RPGRIP1: variants seen among roughly 807,000 people sequenced by gnomAD.
RPGRIP1 encodes RPGR interacting protein 1.
In RPGRIP1, 128 loss-of-function variants were observed where a neutral mutation model predicts 157.9. That is an observed-to-expected ratio of 0.81 (90% CI 0.70 to 0.94). RPGRIP1 has a LOEUF of 0.94. RPGRIP1 is among the 40% of genes least tolerant of loss of function. The probability of loss-of-function intolerance (pLI) is 0.00; values close to 1 mark genes in which losing one functional copy is unlikely to be tolerated. For synonymous variants in RPGRIP1, 554 were observed against 571.6 expected, an observed-to-expected ratio of 0.97 and a Z score of 0.44; for missense variants, 1,486 against 1,545.8, an observed-to-expected ratio of 0.96 and a Z score of 0.65.
Position 21,321,280 on chromosome 14 carries a change from G to C in RPGRIP1, c.1489G>C (p.Glu497Gln). Residue 497 changes from glutamate (E) to glutamine (Q), a missense_variant, in exon 13 of 25, where the codon GAA becomes CAA. Glu to Gln is a conservative substitution (Grantham distance 29). Coordinates refer to ENST00000400017, the MANE Select transcript of RPGRIP1 (RefSeq NM_020366.4). ...QIEPSEPKNQ[E>Q]EKKLSQVLNE... ...ACAGCCAAGTGAACCCAAAAACCAA[G>C]AAGAAAAGAAACTGTCCCAGGTGCT... The C allele has an allele frequency of 6.2e-7, 1 of 1,613,248 alleles. No homozygotes were observed. The highest frequency in any genetic ancestry group is 8.5e-7 in the Non-Finnish European group (1 of 1,179,644).
intron 21 of RPGRIP1, among the ~76,000 whole-genome samples, chr14:21,337,509 T>G (rs1480974645): frequency 1.4e-5 from 2 of 147,078 alleles, no homozygotes; most frequent in African/African-American, 5.1e-5. Flanking sequence ...TGGCGCAATC[T>G]CGGCTTACTG....
At chr14:21,286,125 G>C (rs1594368060) in intron 1 of RPGRIP1, among the ~76,000 whole-genome samples, 1 of 151,972 alleles carries the variant, frequency 6.6e-6, no homozygotes, top group Non-Finnish European at 1.5e-5. Context: ...GAGTAGCTGC[G>C]ATTAAAGGCA....
intron 1 of RPGRIP1, among the ~76,000 whole-genome samples, chr14:21,284,167 A>AT (rs2139127642): frequency 6.6e-6 from 1 of 152,218 alleles, no homozygotes; most frequent in East Asian, 1.9e-4. Flanking sequence ...CAATGTTTAC[A>AT]TTTTCTCTAG....
intron 14 of RPGRIP1, chr14:21,324,333 A>AT (rs1882817613): frequency 4.1e-6 from 2 of 484,398 alleles, no homozygotes; most frequent in East Asian, 3.8e-5. Flanking sequence ...ACAATGTCAT[A>AT]TATAAGATAA....
At chr14:21,323,983 T>C (rs1431672062) in intron 14 of RPGRIP1, 1 of 156,978 alleles carries the variant, frequency 6.4e-6, no homozygotes, top group East Asian at 1.9e-4. Flanking sequence ...CTAGACTGTC[T>C]ACCTATCTTT....
At position 21,339,131 on chromosome 14, in the gene RPGRIP1, A is replaced by G. The variant is rs553559155; in HGVS notation, c.3340-3905A>G. ...AGCCTGGGCGACAGAGCAAGACTCT[A>G]TCTCAAAAAATTGTTTTGTTTTGTT... On this transcript the variant is annotated intron_variant, in intron 21 of 24. Coordinates refer to ENST00000400017, the MANE Select transcript of RPGRIP1 (RefSeq NM_020366.4). Among the ~76,000 whole-genome samples, 4 of 149,480 alleles carry G rather than the reference A, an allele frequency of 2.7e-5. No individual in the cohort carries two copies. The South Asian group carries it at 6.4e-4, about 24-fold the overall frequency.
At chr14:21,327,943 C>T (rs530646416) in intron 18 of RPGRIP1, 136 bp downstream of exon 18, 12 of 608,670 alleles carry the variant, frequency 2.0e-5, no homozygotes, top group Admixed American at 3.6e-5. Context: ...CCATGGCAGG[C>T]GAATTACCTG....
chr14:21,287,709 C>A (rs757980858), intron 1 of RPGRIP1, among the ~76,000 whole-genome samples: 1 of 152,134 alleles, frequency 6.6e-6, no homozygotes, highest in Admixed American at 6.6e-5. Context: ...GAAATGATAT[C>A]CATCAATTCC....
chr14:21,310,439 G>A (rs188969029), intron 7 of RPGRIP1, 145 bp from the exon 8 acceptor site: 432 of 529,570 alleles, frequency 8.2e-4, no homozygotes, highest in Admixed American at 2.4e-3. Flanking sequence ...GGGAAAAATA[G>A]CAACAATTAG....
chr14:21,336,057 A>T (rs1007177508), intron 21 of RPGRIP1, among the ~76,000 whole-genome samples: 4 of 152,194 alleles, frequency 2.6e-5, no homozygotes, highest in African/African-American at 4.8e-5. Flanking sequence ...AAGGAGGTAG[A>T]TTGTGTAATA....
chr14:21,333,873 A>G (rs1884045946), intron 20 of RPGRIP1, among the ~76,000 whole-genome samples: 1 of 151,772 alleles, frequency 6.6e-6, no homozygotes, highest in Non-Finnish European at 1.5e-5. Context: ...CGTCAAGGTC[A>G]GTCGCATTGT....
Position 21,325,998 on chromosome 14 carries a change from CTACTT to C in RPGRIP1, c.2538_2542del (p.Tyr846Ter), listed in dbSNP as rs1192084424. 6.2e-7 allele frequency: 1 copy of C among 1,614,036 alleles called. No individual in the cohort carries two copies. On this transcript the variant is annotated frameshift_variant, in exon 17 of 25. Transcript: ENST00000400017. LOFTEE classifies it high-confidence loss of function. ...CCATCATTCCAGCCAGTAACAACCC[CTACTT>C]TAGAGACCAGGCTCGATTCCCAGTG...
intron 21 of RPGRIP1, among the ~76,000 whole-genome samples, chr14:21,341,467 C>T (rs762306599): frequency 1.3e-5 from 2 of 152,072 alleles, no homozygotes; most frequent in African/African-American, 2.4e-5. Flanking sequence ...GGGTAAGAGC[C>T]GGTCTTTGGA....
intron 4 of RPGRIP1, 76 bp downstream of exon 4, chr14:21,301,313 T>C: frequency 7.0e-7 from 1 of 1,420,412 alleles, no homozygotes; most frequent in Non-Finnish European, 9.6e-7. Context: ...TTTTCCTCAC[T>C]GCCTTCTTCT....
intron 24 of RPGRIP1, among the ~76,000 whole-genome samples, chr14:21,350,391 A>AGAAAAAC (rs59849893): frequency 2.1e-5 from 3 of 142,790 alleles, no homozygotes; most frequent in African/African-American, 7.9e-5. Context: ...AAAAAAAAAA[A>AGAAAAAC]AAAAAGAAAA....
intron 2 of RPGRIP1, among the ~76,000 whole-genome samples, chr14:21,291,268 C>T (rs1880517054): frequency 6.6e-6 from 1 of 152,022 alleles, no homozygotes; most frequent in Non-Finnish European, 1.5e-5. Context: ...CTTCTGAAAG[C>T]TTTAACTGTT....
intron 10 of RPGRIP1, among the ~76,000 whole-genome samples, chr14:21,315,093 A>G (rs942375544): frequency 5.3e-5 from 8 of 152,108 alleles, no homozygotes; most frequent in Admixed American, 3.9e-4. Flanking sequence ...CTGAGGCAGG[A>G]GGATTGTTTG....
At chr14:21,285,308 TA>T (rs1481510006) in intron 1 of RPGRIP1, among the ~76,000 whole-genome samples, 1 of 151,614 alleles carries the variant, frequency 6.6e-6, no homozygotes, top group East Asian at 1.9e-4. Context: ...GTCAGCCAAA[TA>T]AAGAGCAAGA....
intron 1 of RPGRIP1, among the ~76,000 whole-genome samples, chr14:21,283,107 T>A (rs990035625): frequency 6.6e-6 from 1 of 152,184 alleles, no homozygotes; most frequent in African/African-American, 2.4e-5. Flanking sequence ...GGTGCGTCAA[T>A]GTGCTCTGGG....
Sources: allele counts gnomAD v4.1 joint callset (sites outside exome capture counted in the v4.1 genomes callset), GRCh38; gene constraint gnomAD v4.1.1; transcripts MANE v1.5; gene names NCBI Gene and HGNC (gene_info 2026-07-23, HGNC 2026-07-21).